NID1: variants seen among roughly 807,000 people sequenced by gnomAD.
The protein encoded by NID1 is nidogen 1, also known as nidogen-1.
Under a neutral mutation model 130.6 loss-of-function variants are expected in NID1, and 76 were observed. The observed-to-expected ratio is 0.58, with a 90% CI of 0.48 to 0.70. The LOEUF is 0.70. Ranked by LOEUF, NID1 falls within the 30% of genes least tolerant of loss-of-function variation. NID1 has a pLI of 0.00. For missense variants in NID1, 1,517 were observed against 1,664.8 expected, an observed-to-expected ratio of 0.91 and a Z score of 1.54; for synonymous variants, 665 against 675.1, an observed-to-expected ratio of 0.98 and a Z score of 0.23.
At chr1:236,045,206 CAAAAAAAAAAAAAAA>C (rs201261106) in intron 3 of NID1, among the ~76,000 whole-genome samples, 1 of 89,712 alleles carries the variant, frequency 1.1e-5, no homozygotes, top group Non-Finnish European at 2.4e-5. Context: ...GGCTCTGTCT[CAAAAAAAAAAAAAAA>C]AAAAAAAAAA....
chr1:236,039,088 ATATT>A (rs1408359456), intron 4 of NID1, among the ~76,000 whole-genome samples: 129 of 142,266 alleles, frequency 9.1e-4, no homozygotes, highest in African/African-American at 3.0e-3. Context: ...TACATTATAA[ATATT>A]TATATAATAT....
At chr1:236,059,227 C>G (rs557548242) in intron 1 of NID1, among the ~76,000 whole-genome samples, 62 of 152,220 alleles carry the variant, frequency 4.1e-4, no homozygotes, top group African/African-American at 1.5e-3. Context: ...AAAAGTCATG[C>G]AAGTTGCAAT....
At chr1:236,034,270 A>C (rs1051479648) in intron 5 of NID1, among the ~76,000 whole-genome samples, 1 of 151,982 alleles carries the variant, frequency 6.6e-6, no homozygotes, top group African/African-American at 2.4e-5. Context: ...AAAATACAAA[A>C]AATTAGCTAG....
intron 15 of NID1, among the ~76,000 whole-genome samples, chr1:235,984,965 G>A (rs778079640): frequency 3.9e-5 from 6 of 152,064 alleles, no homozygotes; most frequent in African/African-American, 9.7e-5. Context: ...CGAGGTGGGC[G>A]GATCACGAGG....
In NID1 at chr1:235,980,560, G is replaced by T. The variant is rs562533746; in HGVS notation, c.3321C>A (p.Asp1107Glu). ...AGGTCAGTCCATTGGGCAAGCCCAG[G>T]TCATCCTGCACAAGGATCCTCCGGT... ...GTNRRILVQD[D>E]LGLPNGLTFD... is the part of the protein sequence containing the mutation. Residue 1107 changes from aspartate to glutamate, a missense_variant, in exon 17 of 20, where the codon GAC becomes GAA. By Grantham distance (45) the Asp-to-Glu change is conservative. Coordinates refer to ENST00000264187, the MANE Select transcript of NID1 (RefSeq NM_002508.3). 4.3e-5 allele frequency: 69 copies of T among 1,614,190 alleles called. No homozygotes were observed. In the South Asian group the frequency reaches 7.5e-4, roughly 17 times the overall value.
At position 236,045,357 on chromosome 1, in the gene NID1, C is replaced by T. The variant is rs1240496874; in HGVS notation, c.752+100G>A. On this transcript the variant is annotated intron_variant, in intron 3 of 19. Transcript: ENST00000264187. Reference sequence around the variant, plus strand: ...TAAAAACTATATGCAAAACTTAAATCCATAGGAACATTTTTAGGTAATGAT... The same window carrying T: ...TAAAAACTATATGCAAAACTTAAATTCATAGGAACATTTTTAGGTAATGAT... The T allele has an allele frequency of 6.2e-6, 5 of 804,308 alleles. No homozygotes were observed. The African/African-American group carries it at 7.0e-5, about 11-fold the overall frequency. 49.8% of individuals were successfully genotyped at this position (804,308 alleles called of 1,614,324 possible). A position where few individuals can be genotyped will look rare whatever the true frequency, so the allele number is the denominator to read the frequency against.
chr1:236,048,893 G>A lies in NID1; in HGVS notation c.322C>T (p.Leu108=), dbSNP rs751807005. 3 of 1,614,064 alleles carry A rather than the reference G, an allele frequency of 1.9e-6. No homozygotes were observed. The highest frequency in any genetic ancestry group is 1.3e-5 in the African/African-American group (1 of 75,058). ...PPTFGAVAPF[L]ADLDTTDGLG... is the part of the protein sequence containing the mutation. Reference sequence around the variant, plus strand: ...CCATCGGTCGTGTCCAAGTCCGCCAGGAAAGGGGCGACTGCACCGAATGTT... The same window carrying A: ...CCATCGGTCGTGTCCAAGTCCGCCAAGAAAGGGGCGACTGCACCGAATGTT... The change falls in exon 2 of 20, where the codon CTG becomes TTG. Residue 108 remains leucine (L), a synonymous_variant. Transcript: ENST00000264187.
At chr1:236,058,246 C>T (rs1004692914) in intron 1 of NID1, among the ~76,000 whole-genome samples, 4 of 152,188 alleles carry the variant, frequency 2.6e-5, no homozygotes, top group Non-Finnish European at 5.9e-5. Flanking sequence ...CTTACAACAT[C>T]AGTTCACACT....
chr1:236,037,653 G>A (rs1659298397), intron 5 of NID1, among the ~76,000 whole-genome samples: 2 of 130,746 alleles, frequency 1.5e-5, no homozygotes, highest in Admixed American at 1.5e-4. Context: ...GTAAGACTCT[G>A]TCTCAAGAAA....
intron 12 of NID1, among the ~76,000 whole-genome samples, chr1:236,001,535 A>G (rs1243517001): frequency 6.6e-6 from 1 of 152,230 alleles, no homozygotes. Flanking sequence ...TCCATCTGAC[A>G]TGGTCTTCAT....
chr1:235,996,151 C>T (rs1211350089), intron 12 of NID1, among the ~76,000 whole-genome samples: 1 of 152,052 alleles, frequency 6.6e-6, no homozygotes, highest in Non-Finnish European at 1.5e-5. Flanking sequence ...AAGACCCTGT[C>T]CCCCAAAAAA....
At chr1:236,010,300 C>CTTTT (rs551127579) in intron 12 of NID1, among the ~76,000 whole-genome samples, 11 of 107,178 alleles carry the variant, frequency 1.0e-4, no homozygotes, top group Non-Finnish European at 1.9e-4. Flanking sequence ...GCTATTTATA[C>CTTTT]TTTTTTTTTT....
chr1:236,026,310 A>G (rs953025709), intron 7 of NID1, among the ~76,000 whole-genome samples, 169 bp from the exon 8 acceptor site: 4 of 152,226 alleles, frequency 2.6e-5, no homozygotes, highest in African/African-American at 9.6e-5. Flanking sequence ...ATTTGTTTGT[A>G]TTGAGACTCA....
At chr1:236,041,885 C>T (rs749791084) in intron 4 of NID1, 25 bp downstream of exon 4, 19 of 1,582,462 alleles carry the variant, frequency 1.2e-5, no homozygotes, top group African/African-American at 4.1e-5. Context: ...AAGATCGTTA[C>T]CAACTGCAAC....
rs367835390 is a variant in NID1 at position 236,029,643 on chromosome 1, C to T, written c.1645G>A (p.Asp549Asn). 9 of 1,613,056 alleles carry T rather than the reference C, an allele frequency of 5.6e-6. No individual in the cohort carries two copies. In the East Asian group the frequency reaches 6.7e-5, roughly 12 times the overall value. Residue 549 changes from aspartate to asparagine, a missense_variant, in exon 7 of 20, where the codon GAC becomes AAC. This residue lies in a region of NID1 where 1,329 missense variants were observed against 1,429.2 expected (regional missense o/e 0.93). Transcript: ENST00000264187. ...GIDEHGHLTIDTELEGRVPQI... is the reference protein window; with the variant it reads ...GIDEHGHLTINTELEGRVPQI... ...GGCACGCGGCCCTCCAGCTCCGTGT[C>T]GATGGTCAGGTGCCCATGCTCATCG...
intron 1 of NID1, among the ~76,000 whole-genome samples, chr1:236,050,552 C>CA (rs71868379): frequency 0.037 from 4,778 of 128,344 alleles, 126 homozygotes; most frequent in African/African-American, 0.078. Context: ...AATTCCATTT[C>CA]AAAAAAAAAA....
intron 12 of NID1, among the ~76,000 whole-genome samples, chr1:235,999,357 A>T (rs1658013960): frequency 6.6e-6 from 1 of 152,198 alleles, no homozygotes; most frequent in African/African-American, 2.4e-5. Context: ...TGAACTTGTA[A>T]AAAGGAGGGG....
Position 236,029,592 on chromosome 1 carries a change from G to T in NID1, c.1696C>A (p.His566Asn), listed in dbSNP as rs750309218. 6.3e-7 allele frequency: 1 copy of T among 1,585,240 alleles called. No homozygotes were observed. The highest frequency in any genetic ancestry group is 8.6e-7 in the Non-Finnish European group (1 of 1,165,786). ...TACAGCTCCGTGTAGGGCTCAATGT[G>T]CACGGAGGAGCCGAACGGAATCTGC... is the stretch of plus-strand genomic sequence containing the variant. Reference protein sequence around the residue: ...VPQIPFGSSVHIEPYTELYHY... With the variant: ...VPQIPFGSSVNIEPYTELYHY... The change falls in exon 7 of 20, where the codon CAC (histidine) becomes AAC (asparagine). Residue 566 changes from histidine to asparagine, a missense_variant. His to Asn is a moderately conservative substitution (Grantham distance 68). Transcript: ENST00000264187.
In NID1 at chr1:236,051,032, G is replaced by A. The variant is rs562024971; in HGVS notation, c.226-2043C>T. Among the ~76,000 whole-genome samples, 5 of 152,102 alleles carry A rather than the reference G, an allele frequency of 3.3e-5. No individual in the cohort carries two copies. The East Asian group carries it at 7.8e-4, about 24-fold the overall frequency. ...CAAGAGGCAGAGGCTGCAGTGAGCC[G>A]AGATTGCACTGATGATGCACTCCAG... On this transcript the variant is annotated intron_variant, in intron 1 of 19. Transcript: ENST00000264187.
Sources: gnomAD v4.1 joint callset for allele counts (sites outside exome capture counted in the v4.1 genomes callset) on GRCh38, gnomAD v4.1.1 for gene constraint, gnomAD v4.1.1 regional missense constraint, MANE v1.5 for transcripts, NCBI Gene and HGNC (gene_info 2026-07-23, HGNC 2026-07-21) for gene names.